RBFOX1: variants seen among roughly 807,000 people sequenced by gnomAD.
RBFOX1 encodes the protein RNA binding fox-1 homolog 1.
RBFOX1 carries 8 observed loss-of-function variants against 57.7 expected under a neutral mutation model. The ratio of observed to expected loss-of-function variants is 0.14; its 90% CI spans 0.08 to 0.25. RBFOX1 has a LOEUF of 0.25. RBFOX1 is among the 10% of genes least tolerant of loss of function. The probability of loss-of-function intolerance (pLI) is 1.00; values close to 1 mark genes in which losing one functional copy is unlikely to be tolerated. For missense variants in RBFOX1, 611 were observed against 548.5 expected (o/e 1.11, Z -1.14); for synonymous variants, 326 against 222.4 (o/e 1.47, Z -4.15).
At chr16:7,436,530 C>A (rs1412874205) in intron 4 of RBFOX1, among the ~76,000 whole-genome samples, 1 of 152,208 alleles carries the variant, frequency 6.6e-6, no homozygotes, top group Non-Finnish European at 1.5e-5. Context: ...ATCCATCCAA[C>A]AACTCTAGGG....
chr16:5,586,302 C>G (rs112099939), intron 2 of RBFOX1, among the ~76,000 whole-genome samples: 4 of 152,090 alleles, frequency 2.6e-5, no homozygotes, highest in African/African-American at 7.2e-5. Context: ...GTGGCAATTG[C>G]GTGACGGCAG....
intron 7 of RBFOX1, among the ~76,000 whole-genome samples, chr16:7,593,703 A>G (rs2094554110): frequency 6.6e-6 from 1 of 151,612 alleles, no homozygotes; most frequent in South Asian, 2.1e-4. Flanking sequence ...TATTCCCAGG[A>G]TGTGTGGCCT....
chr16:6,639,759 G>A (rs1162312458), intron 2 of RBFOX1, among the ~76,000 whole-genome samples: 1 of 152,062 alleles, frequency 6.6e-6, no homozygotes, highest in Non-Finnish European at 1.5e-5. Context: ...GGCGCCTGTA[G>A]TCCCAGCTAC....
intron 4 of RBFOX1, among the ~76,000 whole-genome samples, chr16:5,909,172 A>G (rs2058552119): frequency 7.2e-6 from 1 of 139,848 alleles, no homozygotes; most frequent in South Asian, 2.3e-4. Flanking sequence ...GGCTCACTGC[A>G]AGCTCCGCCT....
intron 1 of RBFOX1, among the ~76,000 whole-genome samples, chr16:5,418,163 C>G (rs914085511): frequency 6.6e-6 from 1 of 152,230 alleles, no homozygotes; most frequent in African/African-American, 2.4e-5. Context: ...TGCATTAAAA[C>G]CTTTTCTTAT....
intron 4 of RBFOX1, among the ~76,000 whole-genome samples, chr16:7,313,346 C>T (rs2096363795): frequency 1.3e-5 from 2 of 152,148 alleles, no homozygotes; most frequent in South Asian, 2.1e-4. Context: ...GAGAAATTCT[C>T]TTTTCTTCAT....
chr16:5,588,260 CGTT>C (rs1300288510), intron 2 of RBFOX1, among the ~76,000 whole-genome samples: 3 of 152,114 alleles, frequency 2.0e-5, no homozygotes, highest in African/African-American at 4.8e-5. Context: ...GTGATGAAAA[CGTT>C]GTAAAAATGC....
At chr16:5,818,318 T>C (rs2055718134) in intron 3 of RBFOX1, among the ~76,000 whole-genome samples, 1 of 152,218 alleles carries the variant, frequency 6.6e-6, no homozygotes, top group African/African-American at 2.4e-5. Flanking sequence ...CTGAGTTTCA[T>C]TGCACATCAT....
intron 2 of RBFOX1, among the ~76,000 whole-genome samples, chr16:6,611,058 C>G (rs1011880941): frequency 2.0e-5 from 3 of 152,078 alleles, no homozygotes; most frequent in Non-Finnish European, 4.4e-5. Flanking sequence ...AAGATTTTAC[C>G]ATTAAGGCCT....
In RBFOX1 at chr16:6,981,875, G is replaced by T. The variant is rs558252044; in HGVS notation, c.-15-70182G>T. 2.0e-5 allele frequency among the ~76,000 whole-genome samples: 3 copies of T among 152,274 alleles called. No homozygotes were observed. The South Asian group carries it at 6.2e-4, about 32-fold the overall frequency. On this transcript the variant is annotated intron_variant, in intron 3 of 15. Coordinates refer to ENST00000550418, the MANE Select transcript of RBFOX1 (RefSeq NM_018723.4). The stretch of plus-strand genomic sequence containing the variant: ...AGTCTACACTGATGACATTTAAGTT[G>T]ATTCCACATCTTGGCTATTGTGAAT...
intron 1 of RBFOX1, among the ~76,000 whole-genome samples, chr16:6,279,388 TC>T (rs1458440090): frequency 2.0e-5 from 3 of 152,178 alleles, no homozygotes; most frequent in Non-Finnish European, 4.4e-5. Flanking sequence ...GACTGTAGAT[TC>T]CTGAGCATGA....
intron 4 of RBFOX1, among the ~76,000 whole-genome samples, chr16:7,204,804 C>T (rs572084706): frequency 2.0e-5 from 3 of 152,302 alleles, no homozygotes; most frequent in South Asian, 2.1e-4. Flanking sequence ...TTAATGCAAA[C>T]TGATTGGTAA....
intron 3 of RBFOX1, among the ~76,000 whole-genome samples, chr16:6,676,857 G>T (rs2057804605): frequency 6.6e-6 from 1 of 151,516 alleles, no homozygotes; most frequent in Non-Finnish European, 1.5e-5. Flanking sequence ...TGTATTTTTA[G>T]TAGAGACGGG....
At chr16:5,351,709 C>T (rs951107875) in intron 1 of RBFOX1, among the ~76,000 whole-genome samples, 1 of 152,102 alleles carries the variant, frequency 6.6e-6, no homozygotes. Context: ...CAGGTTGGAC[C>T]CTTGATATCG....
chr16:6,751,847 C>T (rs1246911721), intron 3 of RBFOX1, among the ~76,000 whole-genome samples: 3 of 152,172 alleles, frequency 2.0e-5, no homozygotes, highest in Admixed American at 1.3e-4. Flanking sequence ...CAGCTACAAT[C>T]TTGGACTTAC....
intron 3 of RBFOX1, among the ~76,000 whole-genome samples, chr16:7,042,280 G>A (rs901961934): frequency 6.6e-6 from 1 of 152,194 alleles, no homozygotes. Context: ...GCGCAGATTG[G>A]GGAGGAGGGC....
At chr16:7,269,464 C>T (rs938087587) in intron 4 of RBFOX1, among the ~76,000 whole-genome samples, 2 of 150,228 alleles carry the variant, frequency 1.3e-5, no homozygotes, top group Admixed American at 1.3e-4. Flanking sequence ...GTTTGTGGGA[C>T]AGAGAGAGAG....
chr16:5,906,901 A>G (rs2058472526), intron 4 of RBFOX1, among the ~76,000 whole-genome samples: 1 of 151,306 alleles, frequency 6.6e-6, no homozygotes, highest in Non-Finnish European at 1.5e-5. Context: ...TGCCTGGCTC[A>G]TTTTTTTGTA....
chr16:5,969,901 G>T (rs1477836868), intron 4 of RBFOX1, among the ~76,000 whole-genome samples: 2 of 152,044 alleles, frequency 1.3e-5, no homozygotes, highest in Non-Finnish European at 2.9e-5. Context: ...TTGGGAGTTT[G>T]CAAGCAGAGT....
Sources: gnomAD v4.1 joint callset for allele counts (sites outside exome capture counted in the v4.1 genomes callset) on GRCh38, gnomAD v4.1.1 for gene constraint, MANE v1.5 for transcripts, NCBI Gene and HGNC (gene_info 2026-07-23, HGNC 2026-07-21) for gene names.